Variants in SYNRG observed in about 807,000 individuals in gnomAD.
The protein encoded by SYNRG is AP1 gamma subunit binding protein 1.
Under a neutral mutation model 130.9 loss-of-function variants are expected in SYNRG, and 37 were observed. The observed-to-expected ratio is 0.28, with a 90% CI of 0.22 to 0.37. The LOEUF (loss-of-function observed/expected upper bound fraction) is 0.37, where lower values mean the gene tolerates loss of function less well. Ranked by LOEUF, SYNRG falls within the 10% of genes least tolerant of loss-of-function variation. The pLI, the probability that SYNRG is intolerant of heterozygous loss-of-function variation, is 1.00. For missense variants in SYNRG, 1,338 were observed against 1,588.9 expected, an observed-to-expected ratio of 0.84 and a Z score of 2.68; for synonymous variants, 539 against 568.1, an observed-to-expected ratio of 0.95 and a Z score of 0.73.
chr17:37,561,383 G>T, intron 12 of SYNRG, 88 bp downstream of exon 12: 1 of 1,421,888 alleles, frequency 7.0e-7, no homozygotes, highest in Non-Finnish European at 9.9e-7. Flanking sequence ...TACATATTTA[G>T]CACAGAAGAC....
At chr17:37,598,694 T>A (rs1160600557) in intron 2 of SYNRG, among the ~76,000 whole-genome samples, 1 of 151,156 alleles carries the variant, frequency 6.6e-6, no homozygotes, top group African/African-American at 2.4e-5. Context: ...GATCAAAAAG[T>A]CCATTCTAAC....
At position 37,518,396 on chromosome 17, in the gene SYNRG, C is replaced by T. The variant is rs2054585987; in HGVS notation, c.*544G>A. 6.6e-6 allele frequency: 1 copy of T among 152,292 alleles called. No homozygotes were observed. The highest frequency in any genetic ancestry group is 6.5e-5 in the Admixed American group (1 of 15,284). 9.4% of individuals were successfully genotyped at this position (152,292 alleles called of 1,614,324 possible). A position where few individuals can be genotyped will look rare whatever the true frequency, so the allele number is the denominator to read the frequency against. On this transcript the variant is annotated 3_prime_UTR_variant, in exon 22 of 22. Coordinates refer to ENST00000612223, the MANE Select transcript of SYNRG (RefSeq NM_007247.6). Reference sequence around the variant, plus strand: ...GACAACCAAGTGGGTAAAATCTGCCCTCACCTGCCTGCTACTGTCCAGGGG... The same window carrying T: ...GACAACCAAGTGGGTAAAATCTGCCTTCACCTGCCTGCTACTGTCCAGGGG...
chr17:37,530,282 G>A (rs536059670), intron 19 of SYNRG, among the ~76,000 whole-genome samples: 6 of 152,244 alleles, frequency 3.9e-5, no homozygotes, highest in South Asian at 4.1e-4. Flanking sequence ...ATCTGTAAAC[G>A]GGGAGAACAG....
At position 37,521,194 on chromosome 17, in the gene SYNRG, T is replaced by C. The variant is rs1006030626; in HGVS notation, c.3667-546A>G. On this transcript the variant is annotated intron_variant, in intron 19 of 21. Transcript: ENST00000612223. ...ATTACAGGCGCGCCACCACGTCTGG[T>C]TAATTTTGTATTTTTAGTAGAGACA... 6.6e-5 allele frequency among the ~76,000 whole-genome samples: 10 copies of C among 151,512 alleles called. No homozygotes were observed. The South Asian group carries it at 2.1e-3, about 32-fold the overall frequency.
At chr17:37,597,078 C>T (rs1365533187) in intron 2 of SYNRG, among the ~76,000 whole-genome samples, 1 of 152,168 alleles carries the variant, frequency 6.6e-6, no homozygotes, top group Non-Finnish European at 1.5e-5. Context: ...TAGTTTCCTC[C>T]TGGTTCTTTT....
At chr17:37,604,129 A>T (rs369415139) in intron 1 of SYNRG, among the ~76,000 whole-genome samples, 30 of 152,120 alleles carry the variant, frequency 2.0e-4, no homozygotes, top group African/African-American at 7.0e-4. Flanking sequence ...AATCTCAGCT[A>T]CTGGGGAGGC....
Position 37,538,369 on chromosome 17 carries a change from A to C in SYNRG, c.3472T>G (p.Cys1158Gly). 6 of 1,611,906 alleles carry C rather than the reference A, an allele frequency of 3.7e-6. No homozygotes were observed. The highest frequency in any genetic ancestry group is 5.1e-6 in the Non-Finnish European group (6 of 1,179,474). ...TGAGCTGACTGAATTACTTCTGTGCAAACAGAACTACTACTGATTCCATTT... is the reference window on the plus strand; with the variant it reads ...TGAGCTGACTGAATTACTTCTGTGCCAACAGAACTACTACTGATTCCATTT... ...TLNGISSSSV[C>G]TEVIQSAQGM... The change falls in exon 18 of 22, where the codon TGC becomes GGC. Residue 1158 changes from cysteine to glycine, a missense_variant. By Grantham distance (159) the Cys-to-Gly change is radical (BLOSUM62 -3). Transcript: ENST00000612223.
At chr17:37,533,930 T>TC (rs1289877227) in intron 19 of SYNRG, among the ~76,000 whole-genome samples, 38 of 113,924 alleles carry the variant, frequency 3.3e-4, no homozygotes, top group African/African-American at 6.9e-4. Flanking sequence ...TCTTTTCTTT[T>TC]TTTTTTTTTT....
intron 6 of SYNRG, among the ~76,000 whole-genome samples, chr17:37,582,731 C>T (rs1458755323): frequency 1.3e-5 from 2 of 151,826 alleles, no homozygotes; most frequent in Non-Finnish European, 2.9e-5. Flanking sequence ...CGTGGTGGTG[C>T]GCATCTGTAG....
In SYNRG at chr17:37,535,979, T is replaced by G. The variant is rs751771226; in HGVS notation, c.3666A>C (p.Thr1222=). ...CTGCTGAGTTGTCTCATGGGCTTACTGTGAGTGTGGCGAGTGACATGAAGC... is the reference window on the plus strand; with the variant it reads ...CTGCTGAGTTGTCTCATGGGCTTACGGTGAGTGTGGCGAGTGACATGAAGC... ...LIGFMSLATL[T]PDENSLDFSS... Residue 1222 remains threonine (T), a splice_region_variant and synonymous_variant, in exon 19 of 22, where the codon ACA becomes ACC. Coordinates refer to ENST00000612223, the MANE Select transcript of SYNRG (RefSeq NM_007247.6). 6.2e-7 allele frequency: 1 copy of G among 1,613,794 alleles called. No individual in the cohort carries two copies.
intron 1 of SYNRG, among the ~76,000 whole-genome samples, chr17:37,604,240 TAA>T (rs202156948): frequency 2.1e-3 from 294 of 141,972 alleles, no homozygotes; most frequent in Middle Eastern, 3.7e-3. Context: ...ACTCTGTCTA[TAA>T]AAAAAAAAAA....
chr17:37,587,969 T>C (rs139811277), intron 3 of SYNRG, among the ~76,000 whole-genome samples: 106 of 152,274 alleles, frequency 7.0e-4, no homozygotes, highest in African/African-American at 2.5e-3. Context: ...GTTAATTTAT[T>C]TTTTTTCCGT....
chr17:37,596,279 C>T lies in SYNRG; in HGVS notation c.184G>A (p.Gly62Ser), dbSNP rs2062764980. 6.2e-7 allele frequency: 1 copy of T among 1,614,146 alleles called. No homozygotes were observed. The highest frequency in any genetic ancestry group is 2.2e-5 in the East Asian group (1 of 44,876). Residue 62 changes from glycine (G) to serine (S), a missense_variant, in exon 3 of 22, where the codon GGC becomes AGC. This residue lies in a region of SYNRG where 184 missense variants were observed against 217.2 expected (regional missense o/e 0.85). Coordinates refer to ENST00000612223, the MANE Select transcript of SYNRG (RefSeq NM_007247.6). ...GAGCTGTAATTCATTCCCATAATGC[C>T]TTGCATATTAGGCTGCATGACAGAG... ...MVSVMQPNMQ[G>S]IMGMNYSSQM...
At chr17:37,529,937 A>C (rs1198731783) in intron 19 of SYNRG, 1 of 1,211,794 alleles carries the variant, frequency 8.3e-7, no homozygotes, top group African/African-American at 1.5e-5. Context: ...ACCGATTGCC[A>C]CCCAAACAAA....
At chr17:37,548,680 T>A (rs1202033715) in intron 14 of SYNRG, among the ~76,000 whole-genome samples, 1 of 151,526 alleles carries the variant, frequency 6.6e-6, no homozygotes, top group South Asian at 2.1e-4. Flanking sequence ...TAGCTGGGCG[T>A]GGTGGCAGGC....
At chr17:37,588,258 C>CTTT (rs35767898) in intron 3 of SYNRG, among the ~76,000 whole-genome samples, 47 of 103,184 alleles carry the variant, frequency 4.6e-4, no homozygotes, top group Non-Finnish European at 6.2e-4. Flanking sequence ...ACTTTAAATT[C>CTTT]TTTTTTTTTT....
At chr17:37,519,513 GAGTT>G (rs1216928587) in intron 21 of SYNRG, among the ~76,000 whole-genome samples, 1 of 151,934 alleles carries the variant, frequency 6.6e-6, no homozygotes, top group Non-Finnish European at 1.5e-5. Context: ...AATTACAAGA[GAGTT>G]AGAGAACGAG....
intron 14 of SYNRG, among the ~76,000 whole-genome samples, chr17:37,546,944 G>C (rs888688626): frequency 6.6e-6 from 1 of 151,928 alleles, no homozygotes; most frequent in African/African-American, 2.4e-5. Flanking sequence ...TTCTATCTTT[G>C]ATCTACCTAT....
In SYNRG at chr17:37,542,123, C is replaced by T. The variant is rs3110623; in HGVS notation, c.3051G>A (p.Pro1017=). ...PASSGASQET[P]NECSDDFGEF... is the part of the protein sequence containing the mutation. The stretch of plus-strand genomic sequence containing the variant: ...CTCCAAAGTCATCCGAACATTCGTT[C>T]GGGGTTTCTTGAGAGGCACCACTGG... The change falls in exon 15 of 22, where the codon CCG becomes CCA. Residue 1017 remains proline (P), a synonymous_variant. Coordinates refer to ENST00000612223, the MANE Select transcript of SYNRG (RefSeq NM_007247.6). The T allele has an allele frequency of 3.4e-5, 55 of 1,613,928 alleles. No individual in the cohort carries two copies. In the South Asian group the frequency reaches 4.6e-4, roughly 14 times the overall value.
Sources: allele counts gnomAD v4.1 joint callset (sites outside exome capture counted in the v4.1 genomes callset), GRCh38; gene constraint gnomAD v4.1.1; regional missense constraint gnomAD v4.1.1; transcripts MANE v1.5; gene names NCBI Gene and HGNC (gene_info 2026-07-23, HGNC 2026-07-21).